Variants in ALG12 observed in about 807,000 individuals in gnomAD.
ALG12 encodes dol-P-Man:Man(7)GlcNAc(2)-PP-Dol alpha-1,6-mannosyltransferase.
In ALG12, 36 loss-of-function variants were observed where a neutral mutation model predicts 46.0. The ratio of observed to expected loss-of-function variants is 0.78; its 90% CI spans 0.60 to 1.03. The LOEUF is 1.03. Ranked by LOEUF, ALG12 falls within the 50% of genes least tolerant of loss-of-function variation. ALG12 has a pLI of 0.00. For missense variants in ALG12, 599 were observed against 633.5 expected (o/e 0.95, Z 0.58); for synonymous variants, 326 against 291.6 (o/e 1.12, Z -1.20).
At position 49,902,369 on chromosome 22, in the gene ALG12, ACG is replaced by A. The variant is rs2060515740; in HGVS notation, c.*1467_*1468del. The A allele has an allele frequency of 8.2e-6, 1 of 122,526 alleles. No individual in the cohort carries two copies. The highest frequency in any genetic ancestry group is 1.6e-5 in the Non-Finnish European group (1 of 61,430). 7.6% of individuals were successfully genotyped at this position (122,526 alleles called of 1,614,324 possible). The stretch of plus-strand genomic sequence containing the variant: ...TGTGGTGTGTATGCATGGTGTGTGC[ACG>A]TGTGCACGGTGTGTGGTGTGTATGC... On this transcript the variant is annotated 3_prime_UTR_variant, in exon 10 of 10. Coordinates refer to ENST00000330817, the MANE Select transcript of ALG12 (RefSeq NM_024105.4).
At chr22:49,899,220 C>T (rs2060494480), downstream of ALG12, among the ~76,000 whole-genome samples, 1 of 152,134 alleles carries the variant, frequency 6.6e-6, no homozygotes, top group Non-Finnish European at 1.5e-5. Flanking sequence ...CACCTGTAGT[C>T]CCAGCATTTT....
In ALG12 at chr22:49,902,050, G is replaced by A. The variant is rs1429384886; in HGVS notation, c.*1788C>T. On this transcript the variant is annotated 3_prime_UTR_variant, in exon 10 of 10. Transcript: ENST00000330817. ...GTGCACTGTGTGTATGCATGGTAAC[G>A]TACACGTGTGCACTGTGTGTGGTGT... The A allele has an allele frequency of 3.8e-5, 5 of 130,302 alleles. 1 individual carries two copies. Among genetic ancestry groups the A allele is most frequent in the African/African-American group, 7.8e-5 (2 of 25,684 alleles). 8.1% of individuals were successfully genotyped at this position (130,302 alleles called of 1,614,324 possible). A position where few individuals can be genotyped will look rare whatever the true frequency, so the allele number is the denominator to read the frequency against.
At chr22:49,914,248 A>G (rs7511159) in intron 1 of ALG12, among the ~76,000 whole-genome samples, 54,464 of 152,202 alleles carry the variant, frequency 0.36, 13,911 homozygotes, top group African/African-American at 0.73. Context: ...GAGGGGTGCC[A>G]GTTAGCTGGG....
chr22:49,897,934 C>A (rs1430027339), downstream of ALG12, among the ~76,000 whole-genome samples: 1 of 152,106 alleles, frequency 6.6e-6, no homozygotes, highest in Non-Finnish European at 1.5e-5. Context: ...GCTAGGATTA[C>A]AGGCGTGAGC....
chr22:49,910,572 G>A lies in ALG12; in HGVS notation c.331C>T (p.Leu111Phe), dbSNP rs369691956. 4 of 1,614,040 alleles carry A rather than the reference G, an allele frequency of 2.5e-6. No individual in the cohort carries two copies. In the African/African-American group the frequency reaches 5.3e-5, roughly 22 times the overall value. ...CTCACTTCCTTTTGTAACGTCCAGAGTCCAAAAATCACGCCGAGTCCAAGC... is the reference window on the plus strand; with the variant it reads ...CTCACTTCCTTTTGTAACGTCCAGAATCCAAAAATCACGCCGAGTCCAAGC... ...GVLGLGVIFG[L>F]WTLQKEVRRH... Residue 111 changes from leucine (L) to phenylalanine (F), a missense_variant, in exon 4 of 10, where the codon CTC (leucine) becomes TTC (phenylalanine). Leu to Phe is a conservative substitution (Grantham distance 22). Transcript: ENST00000330817.
the ALG12 span, among the ~76,000 whole-genome samples, chr22:49,880,492 G>C: frequency 6.6e-6 from 1 of 152,230 alleles, no homozygotes; most frequent in African/African-American, 2.4e-5. Context: ...CCGTGAGCGA[G>C]GGCAGGTGGG....
the ALG12 span, chr22:49,886,473 A>G: frequency 6.4e-7 from 1 of 1,571,728 alleles, no homozygotes; most frequent in African/African-American, 1.4e-5. This position sits in a 1 kb window ranked among gnomAD's most constrained non-coding sequence, Gnocchi z 7.7. Flanking sequence ...GCCGTGCGCT[A>G]AAGCCCTTCG....
the ALG12 span, among the ~76,000 whole-genome samples, chr22:49,875,604 A>G: frequency 6.6e-6 from 1 of 151,762 alleles, no homozygotes; most frequent in East Asian, 1.9e-4. Flanking sequence ...TATTTTTAGT[A>G]GATACAGGGT....
At chr22:49,864,854 G>A in the ALG12 span, among the ~76,000 whole-genome samples, 4 of 122,704 alleles carry the variant, frequency 3.3e-5, no homozygotes, top group Non-Finnish European at 6.5e-5. Context: ...TGATTAAACC[G>A]TCGTAGAGCT....
the ALG12 span, among the ~76,000 whole-genome samples, chr22:49,878,676 A>G: frequency 6.6e-6 from 1 of 152,240 alleles, no homozygotes; most frequent in Non-Finnish European, 1.5e-5. Flanking sequence ...CAAAAGCACA[A>G]TCCATAAAGA....
the ALG12 span, among the ~76,000 whole-genome samples, chr22:49,881,059 T>A: frequency 6.6e-6 from 1 of 152,228 alleles, no homozygotes. Context: ...AATGTTTCAT[T>A]TTCTGGCCAG....
In ALG12 at chr22:49,902,648, CTG is replaced by C. The variant is rs776960704; in HGVS notation, c.*1188_*1189del. Reference sequence around the variant, plus strand: ...ATGCATGGTAATGTGCACGTGTGCACTGTGTGGTGTGTATGCATGGTGTGTGC... The same window carrying C: ...ATGCATGGTAATGTGCACGTGTGCACTGTGGTGTGTATGCATGGTGTGTGC... On this transcript the variant is annotated 3_prime_UTR_variant, in exon 10 of 10. Transcript: ENST00000330817. The C allele has an allele frequency of 4.5e-3, 643 of 142,398 alleles. 4 individuals carry two copies. Among genetic ancestry groups the C allele is most frequent in the African/African-American group, 0.015 (558 of 37,226 alleles). The allele number at this position is 142,398 out of a possible 1,614,324, so 8.8% of individuals were successfully genotyped here. A position where few individuals can be genotyped will look rare whatever the true frequency, so the allele number is the denominator to read the frequency against.
chr22:49,889,643 C>G, the ALG12 span: 2 of 167,172 alleles, frequency 1.2e-5, no homozygotes, highest in African/African-American at 2.4e-5. Flanking sequence ...CTCATACATT[C>G]CCTTCATTTC....
rs911437496 is a variant in ALG12 at position 49,913,423 on chromosome 22, G to A, written c.257C>T (p.Ser86Leu). Residue 86 changes from serine to leucine, a missense_variant, in exon 3 of 10, where the codon TCG becomes TTG. Ser to Leu is a moderately radical substitution (Grantham distance 145). Transcript: ENST00000330817. ...VFSSPAVYVL[S>L]LLEMSKFYSQ... ...GTAAAACTTGGACATTTCTAACAGC[G>A]AAAGCACGTAAACCGCGGGGCTGGA... 31 of 1,613,850 alleles carry A rather than the reference G, an allele frequency of 1.9e-5. No individual in the cohort carries two copies. The highest frequency in any genetic ancestry group is 1.3e-4 in the African/African-American group (10 of 74,936).
rs893088065 is a variant in ALG12, at chr22:49,905,987, C to T, written c.993-1481G>A. ...TTCCACCCCCAGGACTGTCTCAAGG[C>T]CCTGGGCCCTGACACCGTGGGAAAC... On this transcript the variant is annotated intron_variant, in intron 7 of 9. Transcript: ENST00000330817. This position sits in a 1 kb window ranked among gnomAD's most constrained non-coding sequence, Gnocchi z 4.9. Among the ~76,000 whole-genome samples, 2 of 152,178 alleles carry T rather than the reference C, an allele frequency of 1.3e-5. No homozygotes were observed. The highest frequency in any genetic ancestry group is 6.5e-5 in the Admixed American group (1 of 15,290).
intron 6 of ALG12, 125 bp from the exon 7 acceptor site, chr22:49,908,069 T>C (rs1022324094): frequency 3.1e-5 from 30 of 955,506 alleles, no homozygotes; most frequent in Non-Finnish European, 4.5e-5. Flanking sequence ...GGACCACGGC[T>C]CGTGTGCACA....
At chr22:49,897,953 C>G (rs2060490180), downstream of ALG12, among the ~76,000 whole-genome samples, 1 of 152,068 alleles carries the variant, frequency 6.6e-6, no homozygotes, top group African/African-American at 2.4e-5. Flanking sequence ...GCCACCACGT[C>G]CGGCCTCAAT....
At position 49,906,776 on chromosome 22, in the gene ALG12, G is replaced by A. The variant is rs1025202880; in HGVS notation, c.992+945C>T. On this transcript the variant is annotated intron_variant, in intron 7 of 9. Transcript: ENST00000330817. This position sits in a 1 kb window ranked among gnomAD's most constrained non-coding sequence, Gnocchi z 4.4. ...CAAACTCTGAACGGGCACAGAGCTG[G>A]CCAGCCTCAGCCCTGGGTTCTTCCG... Among the ~76,000 whole-genome samples the A allele has an allele frequency of 1.3e-5, 2 of 152,182 alleles. No homozygotes were observed. Among genetic ancestry groups the A allele is most frequent in the African/African-American group, 2.4e-5 (1 of 41,438 alleles).
At chr22:49,881,391 A>C in the ALG12 span, among the ~76,000 whole-genome samples, 1 of 152,204 alleles carries the variant, frequency 6.6e-6, no homozygotes, top group South Asian at 2.1e-4. Context: ...GTAGAAATAC[A>C]GTTGCTGTTT....
Sources: allele counts gnomAD v4.1 joint callset (sites outside exome capture counted in the v4.1 genomes callset), GRCh38; gene constraint gnomAD v4.1.1; non-coding constraint Gnocchi (gnomAD v3.1); transcripts MANE v1.5; gene names NCBI Gene and HGNC (gene_info 2026-07-23, HGNC 2026-07-21).